Variants in METTL8 observed in about 807,000 individuals in gnomAD.
METTL8 encodes tRNA N(3)-cytidine methyltransferase METTL8, mitochondrial.
A neutral mutation model predicts 48.7 loss-of-function variants in METTL8; 32 were observed. The ratio of observed to expected loss-of-function variants is 0.66; its 90% CI spans 0.50 to 0.88. The LOEUF (loss-of-function observed/expected upper bound fraction) is 0.88. METTL8 is among the 40% of genes least tolerant of loss of function. METTL8 has a pLI of 0.00. For missense variants in METTL8, 464 were observed against 474.4 expected, an observed-to-expected ratio of 0.98 and a Z score of 0.20; for synonymous variants, 136 against 157.1, an observed-to-expected ratio of 0.87 and a Z score of 1.01.
intron 1 of METTL8, among the ~76,000 whole-genome samples, chr2:171,415,016 C>T (rs1377538321): frequency 2.6e-5 from 4 of 152,174 alleles, no homozygotes; most frequent in Non-Finnish European, 4.4e-5. Flanking sequence ...CTTTTGCCTT[C>T]TGCCATGATT....
intron 3 of METTL8, among the ~76,000 whole-genome samples, chr2:171,357,020 T>G (rs1269570370): frequency 2.8e-5 from 4 of 142,736 alleles, no homozygotes; most frequent in Non-Finnish European, 6.0e-5. Context: ...GGTGCAAAAG[T>G]GATCTTGGCT....
At chr2:171,335,977 C>T (rs1017171315) in intron 5 of METTL8, among the ~76,000 whole-genome samples, 10 of 151,978 alleles carry the variant, frequency 6.6e-5, no homozygotes, top group Non-Finnish European at 1.2e-4. Flanking sequence ...GGCAGATTGG[C>T]CATAGATAAA....
chr2:171,337,090 C>A (rs948346547), intron 5 of METTL8, among the ~76,000 whole-genome samples: 4 of 151,994 alleles, frequency 2.6e-5, no homozygotes, highest in African/African-American at 9.7e-5. Flanking sequence ...TGGTCTTGAA[C>A]TCCTGACCTC....
rs771043372 is a variant in METTL8, at chr2:171,318,991, A to C, written c.*5181T>G. 6.6e-6 allele frequency: 1 copy of C among 152,138 alleles called. No individual in the cohort carries two copies. The highest frequency in any genetic ancestry group is 2.4e-5 in the African/African-American group (1 of 41,434). 9.4% of individuals were successfully genotyped at this position (152,138 alleles called of 1,614,324 possible). A position where few individuals can be genotyped will look rare whatever the true frequency, so the allele number is the denominator to read the frequency against. On this transcript the variant is annotated 3_prime_UTR_variant, in exon 10 of 10. Transcript: ENST00000375258. ...TTCCTAGGAGTTTGAGGATTAAATA[A>C]TGTGTATAGTATACACAAAATCTAG... is the stretch of plus-strand genomic sequence containing the variant.
intron 3 of METTL8, among the ~76,000 whole-genome samples, chr2:171,359,571 T>C (rs1443217375): frequency 1.3e-5 from 2 of 151,982 alleles, no homozygotes; most frequent in Non-Finnish European, 2.9e-5. Flanking sequence ...CTCCCATGTC[T>C]ACTGCAGCTC....
chr2:171,361,055 G>C (rs57251260), intron 2 of METTL8, among the ~76,000 whole-genome samples: 2 of 152,106 alleles, frequency 1.3e-5, no homozygotes, highest in African/African-American at 4.8e-5. Flanking sequence ...TTAAGTGATA[G>C]AGTACTTGAT....
intron 1 of METTL8, among the ~76,000 whole-genome samples, chr2:171,421,425 G>A (rs1691860425): frequency 7.5e-6 from 1 of 132,756 alleles, no homozygotes; most frequent in Admixed American, 8.0e-5. Context: ...ACTCCAGCCT[G>A]GGCAGCACAG....
chr2:171,431,757 G>A (rs548628414), intron 1 of METTL8, among the ~76,000 whole-genome samples: 61 of 152,344 alleles, frequency 4.0e-4, no homozygotes, highest in African/African-American at 1.1e-3. Context: ...GGCCATGGGC[G>A]GGAGTGGGGT....
chr2:171,404,069 A>G (rs1689920614), intron 1 of METTL8, among the ~76,000 whole-genome samples: 1 of 78,698 alleles, frequency 1.3e-5, no homozygotes, highest in East Asian at 3.1e-4. Flanking sequence ...ATATATATAT[A>G]TATATATATA....
intron 2 of METTL8, among the ~76,000 whole-genome samples, chr2:171,377,328 A>T (rs1165886174): frequency 3.9e-5 from 6 of 152,172 alleles, no homozygotes; most frequent in African/African-American, 1.4e-4. Flanking sequence ...AAAACAAAAT[A>T]AAACAAAAAT....
At chr2:171,342,585 C>CT (rs1686884275) in intron 3 of METTL8, among the ~76,000 whole-genome samples, 1 of 151,020 alleles carries the variant, frequency 6.6e-6, no homozygotes, top group African/African-American at 2.4e-5. Context: ...TCTCCAGGGT[C>CT]TTCTCAAGCT....
At chr2:171,393,161 C>T (rs1688739583) in intron 1 of METTL8, among the ~76,000 whole-genome samples, 2 of 151,948 alleles carry the variant, frequency 1.3e-5, no homozygotes, top group African/African-American at 4.8e-5. Context: ...TGGCTCATGC[C>T]TATAATCCCA....
At chr2:171,382,395 T>G (rs184169833) in intron 2 of METTL8, among the ~76,000 whole-genome samples, 1 of 152,290 alleles carries the variant, frequency 6.6e-6, no homozygotes, top group Non-Finnish European at 1.5e-5. Context: ...TGAGATCATG[T>G]CCTTTGCAGG....
intron 3 of METTL8, among the ~76,000 whole-genome samples, chr2:171,354,757 C>T (rs964669378): frequency 5.9e-5 from 9 of 152,216 alleles, no homozygotes; most frequent in Non-Finnish European, 8.8e-5. Context: ...AAATCGGCTA[C>T]TGAAGCTTGT....
At chr2:171,387,218 C>A (rs542437054) in intron 2 of METTL8, among the ~76,000 whole-genome samples, 3 of 152,272 alleles carry the variant, frequency 2.0e-5, no homozygotes, top group Admixed American at 2.0e-4. Context: ...AACACGCGCT[C>A]ACTGGGACTT....
At chr2:171,329,106 C>T (rs1388423288) in intron 7 of METTL8, among the ~76,000 whole-genome samples, 2 of 152,198 alleles carry the variant, frequency 1.3e-5, no homozygotes, top group Admixed American at 6.5e-5. Flanking sequence ...CTGCCTCAGC[C>T]TCCCAAGGAG....
chr2:171,337,526 T>A (rs1337153858), intron 4 of METTL8, 24 bp from the exon 5 acceptor site: 1 of 1,583,586 alleles, frequency 6.3e-7, no homozygotes, highest in Admixed American at 1.8e-5. Context: ...AACAAGCAAA[T>A]ATCAAAAAAA....
intron 2 of METTL8, among the ~76,000 whole-genome samples, chr2:171,373,503 T>C (rs1686599561): frequency 6.6e-6 from 1 of 152,240 alleles, no homozygotes. Context: ...CATTTGTCAA[T>C]TCTGGCTTTT....
At chr2:171,406,113 T>A (rs779184093) in intron 1 of METTL8, among the ~76,000 whole-genome samples, 1 of 152,176 alleles carries the variant, frequency 6.6e-6, no homozygotes, top group Non-Finnish European at 1.5e-5. Context: ...AGAGTGGACA[T>A]GATTGAAGCC....
Sources: allele counts gnomAD v4.1 joint callset (sites outside exome capture counted in the v4.1 genomes callset), GRCh38; gene constraint gnomAD v4.1.1; transcripts MANE v1.5; gene names NCBI Gene and HGNC (gene_info 2026-07-23, HGNC 2026-07-21).